Variants in ATP8A2 observed in about 807,000 individuals in gnomAD.
ATP8A2 encodes ATPase phospholipid transporting 8A2, also known as phospholipid-transporting ATPase IB.
Under a neutral mutation model 165.6 loss-of-function variants are expected in ATP8A2, and 100 were observed. The ratio of observed to expected loss-of-function variants is 0.60; its 90% CI spans 0.51 to 0.71. The LOEUF is 0.71. Among genes scored for constraint, ATP8A2 ranks in the 30% least tolerant of loss-of-function variants. ATP8A2 has a pLI of 0.00. For synonymous variants in ATP8A2, 543 were observed against 548.8 expected (o/e 0.99, Z 0.15); for missense variants, 1,227 against 1,479.5 (o/e 0.83, Z 2.80).
intron 1 of ATP8A2, among the ~76,000 whole-genome samples, chr13:25,405,251 A>G (rs1359309591): frequency 1.3e-5 from 2 of 152,184 alleles, no homozygotes; most frequent in Non-Finnish European, 2.9e-5. Context: ...AGCACTTTCC[A>G]AAAGCTCAGC....
intron 1 of ATP8A2, among the ~76,000 whole-genome samples, chr13:25,412,668 T>C (rs2034002819): frequency 6.6e-6 from 1 of 152,128 alleles, no homozygotes; most frequent in Non-Finnish European, 1.5e-5. Context: ...CTAGTTATAA[T>C]GGTAAAAAGG....
intron 33 of ATP8A2, among the ~76,000 whole-genome samples, chr13:25,866,222 T>C (rs1367707801): frequency 3.3e-5 from 5 of 152,328 alleles, no homozygotes; most frequent in African/African-American, 9.6e-5. Flanking sequence ...CCTGGCTCTG[T>C]TCATGCCCCA....
Position 25,591,163 on chromosome 13 carries a change from ATTG to A in ATP8A2, c.2211+1469_2211+1471del, listed in dbSNP as rs540951109. On this transcript the variant is annotated intron_variant, in intron 24 of 36. Transcript: ENST00000381655. ...TGTGTGTGTGTGTGTGTGTGTGTAA[ATTG>A]TTGTGAAATACATCATTTAAGTGTA... The A allele has an allele frequency of 9.6e-4, 359 of 372,204 alleles. 6 individuals carry two copies. The highest frequency in any genetic ancestry group is 6.7e-3 in the South Asian group (343 of 51,292). 23.1% of individuals were successfully genotyped at this position (372,204 alleles called of 1,614,324 possible).
At chr13:25,707,413 C>G (rs535947453) in intron 25 of ATP8A2, among the ~76,000 whole-genome samples, 70 of 152,278 alleles carry the variant, frequency 4.6e-4, no homozygotes, top group Non-Finnish European at 9.0e-4. Context: ...TATATCATCA[C>G]TATCTGGGTG....
intron 11 of ATP8A2, 125 bp downstream of exon 11, chr13:25,551,628 C>T (rs1453597562): frequency 4.8e-6 from 4 of 828,298 alleles, no homozygotes; most frequent in Non-Finnish European, 7.3e-6. Context: ...GTACATAATG[C>T]CAGCCTTTCA....
intron 2 of ATP8A2, among the ~76,000 whole-genome samples, chr13:25,504,746 CAAA>C (rs34066777): frequency 3.5e-5 from 3 of 84,802 alleles, no homozygotes; most frequent in East Asian, 5.6e-4. Context: ...GACTCCGTCT[CAAA>C]AAAAAAAAAA....
chr13:25,997,970 T>C (rs1392671334), intron 35 of ATP8A2, among the ~76,000 whole-genome samples: 1 of 152,212 alleles, frequency 6.6e-6, no homozygotes, highest in African/African-American at 2.4e-5. Flanking sequence ...ATCTTCCTGG[T>C]TTATGGTAAA....
intron 25 of ATP8A2, among the ~76,000 whole-genome samples, chr13:25,733,575 G>C (rs2043702245): frequency 6.6e-6 from 1 of 152,084 alleles, no homozygotes. Context: ...AGGAACCTTT[G>C]CCTTTTAATT....
At chr13:25,934,973 G>C (rs973573716) in intron 33 of ATP8A2, among the ~76,000 whole-genome samples, 1 of 152,128 alleles carries the variant, frequency 6.6e-6, no homozygotes, top group South Asian at 2.1e-4. Context: ...TGGAGAGTTC[G>C]ATTTGCCAAC....
intron 33 of ATP8A2, among the ~76,000 whole-genome samples, chr13:25,923,684 A>G (rs1467530857): frequency 6.6e-6 from 1 of 151,776 alleles, no homozygotes; most frequent in Non-Finnish European, 1.5e-5. Flanking sequence ...CCTAGAAGAC[A>G]TCAAAATAAT....
At chr13:25,400,878 A>G (rs1431791692) in intron 1 of ATP8A2, among the ~76,000 whole-genome samples, 1 of 152,204 alleles carries the variant, frequency 6.6e-6, no homozygotes, top group African/African-American at 2.4e-5. Flanking sequence ...GACAGTGGCT[A>G]TTTATCACTA....
rs2137891209 is a variant in ATP8A2 at position 25,372,713 on chromosome 13, CT to C, written c.76+426del. 6.6e-6 allele frequency among the ~76,000 whole-genome samples: 1 copy of C among 152,336 alleles called. No individual in the cohort carries two copies. Among genetic ancestry groups the C allele is most frequent in the South Asian group, 2.1e-4 (1 of 4,828 alleles). ...CCTGCCGGCGGCCGGCACCGCTGTG[CT>C]GCAGAGCTCAAAAGCAGAGGGGGAA... On this transcript the variant is annotated intron_variant, in intron 1 of 36. Transcript: ENST00000381655. The surrounding 1 kb of genome is among the most constrained non-coding windows in gnomAD (Gnocchi z 4.8).
intron 1 of ATP8A2, among the ~76,000 whole-genome samples, chr13:25,422,432 C>A (rs1391433382): frequency 6.6e-6 from 1 of 152,164 alleles, no homozygotes; most frequent in African/African-American, 2.4e-5. Flanking sequence ...CCCATTAGAC[C>A]AATGAGTTAA....
intron 33 of ATP8A2, among the ~76,000 whole-genome samples, chr13:25,914,784 C>T (rs2139006204): frequency 6.6e-6 from 1 of 152,350 alleles, no homozygotes; most frequent in African/African-American, 2.4e-5. Context: ...GCAGTGCTCC[C>T]CCATGGGGCT....
At chr13:25,522,034 A>G (rs1168905895) in intron 2 of ATP8A2, among the ~76,000 whole-genome samples, 1 of 151,002 alleles carries the variant, frequency 6.6e-6, no homozygotes, top group Non-Finnish European at 1.5e-5. Flanking sequence ...TATAGGGATT[A>G]TATTGAATCT....
At chr13:25,555,630 T>A (rs187446042) in intron 13 of ATP8A2, among the ~76,000 whole-genome samples, 12 of 137,112 alleles carry the variant, frequency 8.8e-5, no homozygotes, top group East Asian at 3.9e-4. Flanking sequence ...ATTTAATTTA[T>A]TTTTTCAATA....
chr13:25,568,039 C>G (rs1210345847), intron 16 of ATP8A2, among the ~76,000 whole-genome samples: 2 of 152,176 alleles, frequency 1.3e-5, no homozygotes, highest in African/African-American at 2.4e-5. Context: ...CCAAGAAAAC[C>G]CTTACTTTCC....
At chr13:25,627,262 G>A (rs761333869) in intron 24 of ATP8A2, among the ~76,000 whole-genome samples, 10 of 152,126 alleles carry the variant, frequency 6.6e-5, no homozygotes, top group Non-Finnish European at 8.8e-5. Context: ...AGCAAAATGA[G>A]CCCAGTGAGG....
intron 2 of ATP8A2, among the ~76,000 whole-genome samples, 175 bp downstream of exon 2, chr13:25,469,296 T>G (rs1444112810): frequency 6.7e-6 from 1 of 150,012 alleles, no homozygotes; most frequent in Admixed American, 6.6e-5. Context: ...GCGCTTCCAG[T>G]AGGGTCATGC....
Sources: allele counts gnomAD v4.1 joint callset (sites outside exome capture counted in the v4.1 genomes callset), GRCh38; gene constraint gnomAD v4.1.1; non-coding constraint Gnocchi (gnomAD v3.1); transcripts MANE v1.5; gene names NCBI Gene and HGNC (gene_info 2026-07-23, HGNC 2026-07-21).